PSKH1: variants seen among roughly 807,000 people sequenced by gnomAD.
PSKH1 encodes serine/threonine-protein kinase H1.
Under a neutral mutation model 26.7 loss-of-function variants are expected in PSKH1, and 12 were observed. The ratio of observed to expected loss-of-function variants is 0.45; its 90% CI spans 0.29 to 0.73. PSKH1 has a LOEUF of 0.73. Ranked by LOEUF, PSKH1 falls within the 30% of genes least tolerant of loss-of-function variation. The pLI, the probability that PSKH1 is intolerant of heterozygous loss-of-function variation, is 0.11. For synonymous variants in PSKH1, 213 were observed against 234.3 expected (o/e 0.91, Z 0.83); for missense variants, 431 against 595.2 (o/e 0.72, Z 2.87).
intron 1 of PSKH1, among the ~76,000 whole-genome samples, chr16:67,902,838 C>T (rs1267093325): frequency 2.6e-5 from 4 of 152,036 alleles, no homozygotes; most frequent in Non-Finnish European, 5.9e-5. Flanking sequence ...TCGTGGGCAT[C>T]GGGGTGAGGG....
intron 2 of PSKH1, among the ~76,000 whole-genome samples, chr16:67,926,818 C>T (rs963307602): frequency 1.3e-5 from 2 of 151,950 alleles, no homozygotes; most frequent in Admixed American, 6.6e-5. Context: ...CTCCCCATGC[C>T]GGGAGGCAGA....
At chr16:67,921,301 G>T (rs1313732611) in intron 2 of PSKH1, among the ~76,000 whole-genome samples, 1 of 151,668 alleles carries the variant, frequency 6.6e-6, no homozygotes, top group Non-Finnish European at 1.5e-5. Context: ...ATAATGCCAG[G>T]TGCTGTGGCT....
chr16:67,904,426 G>T (rs533196155), intron 1 of PSKH1, among the ~76,000 whole-genome samples: 1 of 151,928 alleles, frequency 6.6e-6, no homozygotes, highest in Admixed American at 6.6e-5. Context: ...GACTGGTCTC[G>T]AACTCCTGAC....
intron 2 of PSKH1, among the ~76,000 whole-genome samples, chr16:67,924,849 G>A (rs1020822071): frequency 1.3e-5 from 2 of 152,184 alleles, no homozygotes; most frequent in Non-Finnish European, 2.9e-5. Flanking sequence ...GCTTCTTTCT[G>A]TCTCTCCGGT....
intron 2 of PSKH1, among the ~76,000 whole-genome samples, chr16:67,910,930 A>G (rs893059285): frequency 6.6e-6 from 1 of 152,228 alleles, no homozygotes; most frequent in African/African-American, 2.4e-5. Flanking sequence ...CTTTGGATCC[A>G]TTGATAGTCC....
intron 1 of PSKH1, among the ~76,000 whole-genome samples, chr16:67,902,283 TGAATC>T (rs1396934524): frequency 7.3e-5 from 11 of 151,368 alleles, no homozygotes; most frequent in African/African-American, 2.4e-4. Flanking sequence ...GAAATAAAAA[TGAATC>T]GAAAAGTTAG....
intron 1 of PSKH1, among the ~76,000 whole-genome samples, chr16:67,906,828 G>T (rs1485438500): frequency 6.6e-6 from 1 of 152,124 alleles, no homozygotes; most frequent in African/African-American, 2.4e-5. Context: ...TTAGTTCATG[G>T]TTGGAACATC....
At chr16:67,917,539 G>A (rs906876034) in intron 2 of PSKH1, among the ~76,000 whole-genome samples, 1 of 152,234 alleles carries the variant, frequency 6.6e-6, no homozygotes, top group African/African-American at 2.4e-5. Context: ...AGTGATAACT[G>A]GTGGGGGAAT....
At chr16:67,916,315 C>T (rs983820038) in intron 2 of PSKH1, among the ~76,000 whole-genome samples, 4 of 152,180 alleles carry the variant, frequency 2.6e-5, no homozygotes, top group African/African-American at 9.7e-5. Flanking sequence ...TTCCTGTTCC[C>T]TGACCCCATA....
Position 67,929,372 on chromosome 16 carries a change from C to A in PSKH1, c.*1730C>A. On this transcript the variant is annotated 3_prime_UTR_variant, in exon 3 of 3. Transcript: ENST00000291041. ...ACATCCTCCTACCGTCCCCAATGCC[C>A]CCTGGGCAGGAGGCAGTGGAGAACC... The A allele has an allele frequency of 6.4e-6, 1 of 155,802 alleles. No individual in the cohort carries two copies. The allele number at this position is 155,802 out of a possible 1,614,324, so 9.7% of individuals were successfully genotyped here. A position where few individuals can be genotyped will look rare whatever the true frequency, so the allele number is the denominator to read the frequency against.
intron 1 of PSKH1, among the ~76,000 whole-genome samples, chr16:67,898,629 T>C (rs941444293): frequency 3.3e-5 from 5 of 150,134 alleles, no homozygotes; most frequent in East Asian, 3.9e-4. Context: ...TTCTTTCTTT[T>C]TTTTTTTTTT....
Position 67,893,342 on chromosome 16 carries a change from A to G in PSKH1, c.-100A>G, listed in dbSNP as rs1232515930. ...CCGGAGATGGCCGGCAGAGCCGCCG[A>G]GACGCCGAAGAGCCCGCCGCCCGCG... On this transcript the variant is annotated 5_prime_UTR_variant, in exon 1 of 3. Transcript: ENST00000291041. The G allele has an allele frequency of 6.5e-6, 1 of 154,322 alleles. No homozygotes were observed. Among genetic ancestry groups the G allele is most frequent in the Admixed American group, 6.5e-5 (1 of 15,294 alleles). The allele number at this position is 154,322 out of a possible 1,614,324, so 9.6% of individuals were successfully genotyped here. A position where few individuals can be genotyped will look rare whatever the true frequency, so the allele number is the denominator to read the frequency against.
intron 1 of PSKH1, among the ~76,000 whole-genome samples, chr16:67,895,584 T>G (rs2058124189): frequency 6.6e-6 from 1 of 152,032 alleles, no homozygotes; most frequent in South Asian, 2.1e-4. Context: ...AATTTTTGTA[T>G]TCTTAGTAGA....
intron 1 of PSKH1, among the ~76,000 whole-genome samples, chr16:67,897,005 CT>C (rs1260149796): frequency 6.6e-6 from 1 of 152,126 alleles, no homozygotes. Context: ...TTCTGTTTTA[CT>C]TTGGAAGTGT....
At chr16:67,912,600 G>A (rs927705411) in intron 2 of PSKH1, among the ~76,000 whole-genome samples, 5 of 152,114 alleles carry the variant, frequency 3.3e-5, no homozygotes, top group African/African-American at 1.2e-4. Context: ...CGGGTACGGT[G>A]GCTCACGCCT....
intron 1 of PSKH1, among the ~76,000 whole-genome samples, chr16:67,894,947 C>T (rs1194393622): frequency 8.5e-6 from 1 of 117,632 alleles, no homozygotes; most frequent in Non-Finnish European, 1.7e-5. Context: ...TTTTTTGAGA[C>T]GGAGTTTTGC....
intron 1 of PSKH1, among the ~76,000 whole-genome samples, chr16:67,907,205 C>T (rs906528976): frequency 2.0e-5 from 3 of 151,566 alleles, no homozygotes; most frequent in South Asian, 2.1e-4. Flanking sequence ...CCTTGTGATC[C>T]GCCCGCCTCG....
intron 2 of PSKH1, among the ~76,000 whole-genome samples, chr16:67,924,812 C>G (rs1320382101): frequency 6.6e-6 from 1 of 152,162 alleles, no homozygotes; most frequent in Non-Finnish European, 1.5e-5. Context: ...CCACTCTGTT[C>G]AGCTGTGTGT....
intron 1 of PSKH1, among the ~76,000 whole-genome samples, chr16:67,904,264 C>T (rs1396788300): frequency 2.6e-5 from 4 of 151,644 alleles, no homozygotes; most frequent in East Asian, 3.9e-4. Flanking sequence ...TGCAGTGGCG[C>T]GATCTTGGTG....
Sources: gnomAD v4.1 joint callset for allele counts (sites outside exome capture counted in the v4.1 genomes callset) on GRCh38, gnomAD v4.1.1 for gene constraint, MANE v1.5 for transcripts, NCBI Gene and HGNC (gene_info 2026-07-23, HGNC 2026-07-21) for gene names.